The following FSTL4 variants were observed in gnomAD, a reference collection of about 807,000 sequenced individuals.
The protein encoded by FSTL4 is follistatin like 4, also known as follistatin-related protein 4.
Under a neutral mutation model 78.2 loss-of-function variants are expected in FSTL4, and 28 were observed. That is an observed-to-expected ratio of 0.36 (90% CI 0.27 to 0.49). FSTL4 has a LOEUF of 0.49. Ranked by LOEUF, FSTL4 falls within the 20% of genes least tolerant of loss-of-function variation. The probability of loss-of-function intolerance (pLI) is 0.98; values close to 1 mark genes in which losing one functional copy is unlikely to be tolerated. For synonymous variants in FSTL4, 422 were observed against 440.5 expected (o/e 0.96, Z 0.53); for missense variants, 922 against 1,084.9 (o/e 0.85, Z 2.11).
intron 4 of FSTL4, among the ~76,000 whole-genome samples, chr5:133,319,849 G>C (rs748643735): frequency 2.0e-5 from 3 of 152,154 alleles, no homozygotes; most frequent in Non-Finnish European, 4.4e-5. Flanking sequence ...TTGCAAGAGA[G>C]AACTTTGCCC....
At chr5:133,240,680 C>G (rs1195383884) in intron 7 of FSTL4, among the ~76,000 whole-genome samples, 2 of 152,118 alleles carry the variant, frequency 1.3e-5, no homozygotes, top group Non-Finnish European at 2.9e-5. Context: ...CATGACTCAT[C>G]TCTTCGCGCA....
chr5:133,381,054 T>C (rs1580663728), intron 4 of FSTL4, among the ~76,000 whole-genome samples: 2 of 152,200 alleles, frequency 1.3e-5, no homozygotes, highest in Admixed American at 6.5e-5. Flanking sequence ...ATATGAATTA[T>C]GGGAACTCAC....
intron 8 of FSTL4, 43 bp downstream of exon 8, chr5:133,233,374 G>A: frequency 1.9e-6 from 3 of 1,610,768 alleles, no homozygotes; most frequent in Non-Finnish European, 2.5e-6. Flanking sequence ...CAGCAGTTTG[G>A]GGAGGCTATG....
intron 3 of FSTL4, chr5:133,427,611 G>A (rs770226007): frequency 3.8e-6 from 2 of 526,104 alleles, no homozygotes; most frequent in Non-Finnish European, 3.9e-6. Flanking sequence ...GGGCGATAGG[G>A]GTAAAAATGC....
the FSTL4 span, among the ~76,000 whole-genome samples, chr5:133,731,785 G>C: frequency 3.1e-4 from 47 of 152,268 alleles, no homozygotes; most frequent in Middle Eastern, 3.4e-3. Flanking sequence ...TGACCGGAGA[G>C]GAAGCAGACA....
chr5:133,208,281 T>C (rs1026946828), intron 14 of FSTL4: 2 of 152,230 alleles, frequency 1.3e-5, no homozygotes, highest in African/African-American at 4.8e-5. Flanking sequence ...GATGTCTTGC[T>C]TGGGAATAGA....
At chr5:133,840,605 A>T in the FSTL4 span, among the ~76,000 whole-genome samples, 1 of 152,202 alleles carries the variant, frequency 6.6e-6, no homozygotes, top group African/African-American at 2.4e-5. Context: ...ATGTGCTCAC[A>T]GGCCCATCTG....
chr5:133,379,920 C>A (rs1006414578), intron 4 of FSTL4, among the ~76,000 whole-genome samples: 2 of 151,686 alleles, frequency 1.3e-5, no homozygotes, highest in African/African-American at 4.8e-5. Context: ...ACTAAATATA[C>A]AAAAATTAGC....
intron 6 of FSTL4, among the ~76,000 whole-genome samples, chr5:133,267,751 GT>G (rs1284864810): frequency 6.6e-6 from 1 of 152,134 alleles, no homozygotes; most frequent in Non-Finnish European, 1.5e-5. Context: ...TGCTAGATAG[GT>G]TCCAAGTGGG....
intron 3 of FSTL4, among the ~76,000 whole-genome samples, chr5:133,478,849 G>A (rs1429817469): frequency 6.6e-6 from 1 of 152,056 alleles, no homozygotes; most frequent in East Asian, 1.9e-4. Flanking sequence ...GGGTGGCAGA[G>A]GGAAGCGAGG....
Position 133,210,198 on chromosome 5 carries a change from C to T in FSTL4, c.1709G>A (p.Ser570Asn). Reference sequence around the variant, plus strand: ...TCCATGTGCTCAACATACCTGGAGACTTGGTCGGGACTTGTGCACGTCCCC... The same window carrying T: ...TCCATGTGCTCAACATACCTGGAGATTTGGTCGGGACTTGTGCACGTCCCC... ...SWGDVHKSRP[S>N]LQVITEASTG... Residue 570 changes from serine (S) to asparagine (N), a missense_variant, in exon 14 of 16, where the codon AGT becomes AAT. Physicochemically the swap from Ser to Asn is conservative, Grantham distance 46 (BLOSUM62 1). Transcript: ENST00000265342. The T allele has an allele frequency of 1.3e-6, 2 of 1,581,740 alleles. No individual in the cohort carries two copies. Among genetic ancestry groups the T allele is most frequent in the Non-Finnish European group, 1.7e-6 (2 of 1,150,516 alleles).
the FSTL4 span, among the ~76,000 whole-genome samples, chr5:133,837,914 G>A: frequency 3.3e-5 from 5 of 151,934 alleles, no homozygotes; most frequent in African/African-American, 1.2e-4. Flanking sequence ...TTAGGACAGA[G>A]TCTTGCTCTG....
intron 4 of FSTL4, among the ~76,000 whole-genome samples, chr5:133,357,117 G>T (rs1293140398): frequency 2.0e-5 from 3 of 152,224 alleles, no homozygotes; most frequent in Non-Finnish European, 2.9e-5. Flanking sequence ...TAGCCTGCTG[G>T]TCAGTGTGGC....
At chr5:133,314,131 T>C (rs1753848202) in intron 5 of FSTL4, among the ~76,000 whole-genome samples, 2 of 152,206 alleles carry the variant, frequency 1.3e-5, no homozygotes, top group Admixed American at 1.3e-4. Flanking sequence ...CAAGACAAGC[T>C]GATGCCACCT....
chr5:133,634,850 A>C, the FSTL4 span, among the ~76,000 whole-genome samples: 43,026 of 152,026 alleles, frequency 0.28, 6,397 homozygotes, highest in Non-Finnish European at 0.32. Context: ...TACCCTCATA[A>C]TCTACAGCAA....
chr5:133,532,571 A>G (rs1299987167), intron 3 of FSTL4, among the ~76,000 whole-genome samples: 2 of 152,166 alleles, frequency 1.3e-5, no homozygotes, highest in African/African-American at 2.4e-5. Context: ...TAGACAGAAC[A>G]GAGGCCCCTC....
In FSTL4 at chr5:133,224,227, A is replaced by C. The variant is rs1467072967; in HGVS notation, c.1313-11T>G. The C allele has an allele frequency of 3.1e-6, 5 of 1,611,068 alleles. No individual in the cohort carries two copies. Among genetic ancestry groups the C allele is most frequent in the Non-Finnish European group, 8.5e-7 (1 of 1,177,300 alleles). On this transcript the variant is annotated splice_polypyrimidine_tract_variant and intron_variant, in intron 10 of 15. Transcript: ENST00000265342. The stretch of plus-strand genomic sequence containing the variant: ...ACAGGATGTTTGCAACTGCAGCAGC[A>C]GAGAATGAGGAAAGCAGGAGTGTGA...
At chr5:133,617,885 CAGA>C in the FSTL4 span, among the ~76,000 whole-genome samples, 2 of 151,910 alleles carry the variant, frequency 1.3e-5, no homozygotes, top group Non-Finnish European at 2.9e-5. Context: ...GGCATTTAGG[CAGA>C]AGGCCTAGCA....
chr5:133,688,016 C>G, the FSTL4 span, among the ~76,000 whole-genome samples: 1 of 152,224 alleles, frequency 6.6e-6, no homozygotes, highest in South Asian at 2.1e-4. Flanking sequence ...AAGGAACCAC[C>G]TGGAAATAGC....
Sources: allele counts gnomAD v4.1 joint callset (sites outside exome capture counted in the v4.1 genomes callset), GRCh38; gene constraint gnomAD v4.1.1; transcripts MANE v1.5; gene names NCBI Gene and HGNC (gene_info 2026-07-23, HGNC 2026-07-21).